Variants in LAS1L observed in about 807,000 individuals in gnomAD.
LAS1L encodes the protein ribosomal biogenesis protein LAS1L.
Under a neutral mutation model 57.3 loss-of-function variants are expected in LAS1L, and 5 were observed. The ratio of observed to expected loss-of-function variants is 0.09; its 90% CI spans 0.05 to 0.18. LAS1L has a LOEUF of 0.18. LAS1L is among the 10% of genes least tolerant of loss of function. The pLI is 1.00. For synonymous variants in LAS1L, 245 were observed against 231.7 expected (o/e 1.06, Z -0.52); for missense variants, 360 against 568.3 (o/e 0.63, Z 3.73).
At chrX:65,523,538 G>A (rs2068967875) in intron 11 of LAS1L, 22 bp downstream of exon 11, 5 of 1,155,574 alleles carry the variant, frequency 4.3e-6, no homozygotes, top group Middle Eastern at 2.6e-4. Context: ...CCCTCTTACC[G>A]GATGGAATTC....
At chrX:65,524,489 A>G in intron 9 of LAS1L, 75 bp downstream of exon 9, 1 of 510,080 alleles carries the variant, frequency 2.0e-6, no homozygotes, top group Non-Finnish European at 3.6e-6. Flanking sequence ...GTATCTGGCA[A>G]CCAACAACTG....
In LAS1L at chrX:65,518,108, CTCT is replaced by C. The variant is rs752723598; in HGVS notation, c.1803_1805del (p.Glu603del). The C allele has an allele frequency of 5.0e-6, 6 of 1,204,167 alleles. No homozygotes were observed. Among genetic ancestry groups the C allele is most frequent in the Non-Finnish European group, 6.7e-6 (6 of 889,824 alleles). ...AAGGCCCCACCTCCATTCTGTCTTC[CTCT>C]TCATCATCTTCATCATCTTCATCCT... On this transcript the variant is annotated inframe_deletion, in exon 12 of 14. Coordinates refer to ENST00000374811, the MANE Select transcript of LAS1L (RefSeq NM_031206.7).
intron 11 of LAS1L, chrX:65,518,788 GATAGCT>G: frequency 8.0e-6 from 6 of 746,803 alleles, no homozygotes; most frequent in Non-Finnish European, 9.5e-6. Flanking sequence ...TGCAATAAAT[GATAGCT>G]ATTAGTCTGC....
intron 9 of LAS1L, 74 bp from the exon 10 acceptor site, chrX:65,524,336 G>A: frequency 1.2e-6 from 1 of 816,415 alleles, no homozygotes; most frequent in East Asian, 3.4e-5. Context: ...GAGAGAGCAA[G>A]AGACAGCAAG....
At chrX:65,524,302 G>A (rs1224776543) in intron 9 of LAS1L, 40 bp from the exon 10 acceptor site, 1 of 1,052,531 alleles carries the variant, frequency 9.5e-7, no homozygotes, top group Non-Finnish European at 1.3e-6. Flanking sequence ...GGCAATAGGA[G>A]AGAGAGAGCA....
At chrX:65,534,223 G>A (rs2069684292) in intron 1 of LAS1L, among the ~76,000 whole-genome samples, 1 of 112,306 alleles carries the variant, frequency 8.9e-6, no homozygotes, top group Non-Finnish European at 1.9e-5. Flanking sequence ...CAAGTTGGGA[G>A]AAAGTCACTT....
intron 3 of LAS1L, 68 bp from the exon 4 acceptor site, chrX:65,531,506 G>A: frequency 1.3e-6 from 1 of 795,141 alleles, no homozygotes; most frequent in Non-Finnish European, 1.9e-6. Context: ...GGGAGCCAGA[G>A]ATTAATTATC....
intron 4 of LAS1L, among the ~76,000 whole-genome samples, 191 bp from the exon 5 acceptor site, chrX:65,530,069 C>T (rs1466451897): frequency 1.8e-5 from 2 of 112,575 alleles, no homozygotes; most frequent in Admixed American, 1.9e-4. Flanking sequence ...TGCTTACCAG[C>T]ACTTTTTCTA....
chrX:65,520,792 G>A (rs1485611624), intron 11 of LAS1L: 2 of 754,319 alleles, frequency 2.7e-6, no homozygotes, highest in Non-Finnish European at 3.1e-6. Flanking sequence ...ACTTCTCCGA[G>A]ACCAGCAGCT....
rs748858269 is a variant in LAS1L, at chrX:65,529,745, G to A, written c.648C>T (p.Asn216=). 8.3e-7 allele frequency: 1 copy of A among 1,211,735 alleles called. No homozygotes were observed. Among genetic ancestry groups the A allele is most frequent in the South Asian group, 1.8e-5 (1 of 57,005 alleles). ...GTTCTGTGATGTCATCAACAACAAT[G>A]TTCTTATCTTCCTCTTGATCCTCTT... ...IEEEDQEEDK[N]IVVDDITEQK... Residue 216 remains asparagine (N), a synonymous_variant, in exon 5 of 14, where the codon AAC becomes AAT. Coordinates refer to ENST00000374811, the MANE Select transcript of LAS1L (RefSeq NM_031206.7).
rs150186916 is a variant in LAS1L, at chrX:65,513,597, C to T, written c.2079-696G>A. Among the ~76,000 whole-genome samples the T allele has an allele frequency of 3.2e-3, 364 of 112,395 alleles. 4 individuals are homozygous for T. Among genetic ancestry groups the T allele is most frequent in the African/African-American group, 0.011 (348 of 30,924 alleles). ...ACCCACAATCTTACAGACAAGTTAA[C>T]TGAGGCCCAGAGATGGGAATGGACT... is the stretch of plus-strand genomic sequence containing the variant. On this transcript the variant is annotated intron_variant, in intron 13 of 13. Coordinates refer to ENST00000374811, the MANE Select transcript of LAS1L (RefSeq NM_031206.7).
At chrX:65,521,146 A>G (rs2068833250) in intron 11 of LAS1L, 1 of 751,853 alleles carries the variant, frequency 1.3e-6, no homozygotes, top group African/African-American at 2.3e-5. Context: ...CCTTACAAAT[A>G]CCTCTGTGTC....
At chrX:65,532,501 G>T in intron 3 of LAS1L, 60 bp downstream of exon 3, 1 of 840,423 alleles carries the variant, frequency 1.2e-6, no homozygotes, top group Non-Finnish European at 1.8e-6. Context: ...AATACCCCAT[G>T]CCCCATTTGG....
rs747791247 is a variant in LAS1L at position 65,518,092 on chromosome X, C to A, written c.1822G>T (p.Val608Leu). ...EDDEEEDRME[V>L]GPFSTGQESP... Reference sequence around the variant, plus strand: ...TCTTGCCCTGTAGAGAAAGGCCCCACCTCCATTCTGTCTTCCTCTTCATCA... The same window carrying A: ...TCTTGCCCTGTAGAGAAAGGCCCCAACTCCATTCTGTCTTCCTCTTCATCA... The change falls in exon 12 of 14, where the codon GTG becomes TTG. Residue 608 changes from valine to leucine, a missense_variant. Val to Leu is a conservative substitution (Grantham distance 32). Around this residue, in one of 7 missense-constraint regions of LAS1L, gnomAD observed 123 missense variants for 168.3 expected, o/e 0.73. Coordinates refer to ENST00000374811, the MANE Select transcript of LAS1L (RefSeq NM_031206.7). 7 of 1,209,630 alleles carry A rather than the reference C, an allele frequency of 5.8e-6. No individual in the cohort carries two copies. In the Admixed American group the frequency reaches 1.3e-4, roughly 23 times the overall value.
chrX:65,516,636 TACACACACACACACAC>T lies in LAS1L; in HGVS notation c.1927+1335_1927+1350del, dbSNP rs57356313. ...TGCCCCTACTTTTCCCTTTTTCCTATACACACACACACACACACACACACACACACACACACACACA... is the reference window on the plus strand; with the variant it reads ...TGCCCCTACTTTTCCCTTTTTCCTATACACACACACACACACACACACACA... On this transcript the variant is annotated intron_variant, in intron 12 of 13. Coordinates refer to ENST00000374811, the MANE Select transcript of LAS1L (RefSeq NM_031206.7). Among the ~76,000 whole-genome samples, 23 of 89,587 alleles carry T rather than the reference TACACACACACACACAC, an allele frequency of 2.6e-4. No homozygotes were observed. The East Asian group carries it at 2.6e-3, about 10-fold the overall frequency. The allele number at this position is 89,587 out of a possible 115,157, so 77.8% of individuals were successfully genotyped here.
chrX:65,514,452 G>C lies in LAS1L; in HGVS notation c.2078+371C>G, dbSNP rs778107488. ...AAGCTGGATGAGAGCATCTATTTTT[G>C]ACTTTTTAGGAGTGGTGGACCAGTT... On this transcript the variant is annotated intron_variant, in intron 13 of 13. Transcript: ENST00000374811. Among the ~76,000 whole-genome samples, 3 of 109,619 alleles carry C rather than the reference G, an allele frequency of 2.7e-5. No homozygotes were observed. The South Asian group carries it at 1.2e-3, about 43-fold the overall frequency.
intron 12 of LAS1L, among the ~76,000 whole-genome samples, 173 bp from the exon 13 acceptor site, chrX:65,515,146 G>C (rs1157345140): frequency 9.0e-6 from 1 of 111,578 alleles, no homozygotes; most frequent in Non-Finnish European, 1.9e-5. Flanking sequence ...CTCCACCAGA[G>C]TGCTTCACCA....
chrX:65,529,698 T>A lies in LAS1L; in HGVS notation c.695A>T (p.Asp232Val). 1.7e-6 allele frequency: 2 copies of A among 1,211,812 alleles called. No homozygotes were observed. Among genetic ancestry groups the A allele is most frequent in the Non-Finnish European group, 2.2e-6 (2 of 895,428 alleles). Reference sequence around the variant, plus strand: ...TACATCTGACTCCGTACTTTTCCCATCATCCTGAGGCTCTGGTTTCTGTTC... The same window carrying A: ...TACATCTGACTCCGTACTTTTCCCAACATCCTGAGGCTCTGGTTTCTGTTC... ...ITEQKPEPQD[D>V]GKSTESDVKA... Residue 232 changes from aspartate (D) to valine (V), a missense_variant, in exon 5 of 14, where the codon GAT becomes GTT. Coordinates refer to ENST00000374811, the MANE Select transcript of LAS1L (RefSeq NM_031206.7).
intron 5 of LAS1L, 51 bp downstream of exon 5, chrX:65,529,543 G>A (rs774684819): frequency 1.8e-6 from 2 of 1,141,844 alleles, no homozygotes; most frequent in East Asian, 3.0e-5. Flanking sequence ...TTAACCCTAA[G>A]CCTGAGCCTT....
Sources: allele counts gnomAD v4.1 joint callset (sites outside exome capture counted in the v4.1 genomes callset), GRCh38; gene constraint gnomAD v4.1.1; regional missense constraint gnomAD v4.1.1; transcripts MANE v1.5; gene names NCBI Gene and HGNC (gene_info 2026-07-23, HGNC 2026-07-21).